SLC35B3: variants seen among roughly 807,000 people sequenced by gnomAD.
SLC35B3 encodes the protein adenosine 3'-phospho 5'-phosphosulfate transporter 2.
In SLC35B3, 35 loss-of-function variants were observed where a neutral mutation model predicts 44.1. That is an observed-to-expected ratio of 0.79 (90% CI 0.61 to 1.05). The LOEUF (loss-of-function observed/expected upper bound fraction) is 1.05. Ranked by LOEUF, SLC35B3 falls within the 50% of genes least tolerant of loss-of-function variation. SLC35B3 has a pLI of 0.00. For synonymous variants in SLC35B3, 146 were observed against 167.3 expected (o/e 0.87, Z 0.98); for missense variants, 414 against 476.4 (o/e 0.87, Z 1.22).
chr6:8,412,134 A>G lies in SLC35B3; in HGVS notation c.*1415T>C, dbSNP rs1273906055. ...AGCTTGTTTGGCCCTTCATCATATAAGGACATAATGAGAAGGCTCCTTCTG... is the reference window on the plus strand; with the variant it reads ...AGCTTGTTTGGCCCTTCATCATATAGGGACATAATGAGAAGGCTCCTTCTG... On this transcript the variant is annotated 3_prime_UTR_variant, in exon 11 of 11. Transcript: ENST00000644923. Among the ~76,000 whole-genome samples, 2 of 152,194 alleles carry G rather than the reference A, an allele frequency of 1.3e-5. No homozygotes were observed. The highest frequency in any genetic ancestry group is 6.5e-5 in the Admixed American group (1 of 15,282).
At chr6:8,435,557 C>T (rs1251642429), upstream of SLC35B3, 2 of 399,536 alleles carry the variant, frequency 5.0e-6, no homozygotes, top group Non-Finnish European at 9.1e-6. The surrounding 1 kb of genome is among the most constrained non-coding windows in gnomAD (Gnocchi z 5.5). Flanking sequence ...TCCCTGCGCG[C>T]GTGCGCAGAC....
Position 8,427,925 on chromosome 6 carries a change from C to G in SLC35B3, c.419+12G>C, listed in dbSNP as rs200815346. 3.5e-5 allele frequency: 55 copies of G among 1,592,846 alleles called. No individual in the cohort carries two copies. The East Asian group carries it at 1.1e-3, about 32-fold the overall frequency. On this transcript the variant is annotated intron_variant, in intron 4 of 10. Coordinates refer to ENST00000644923, the MANE Select transcript of SLC35B3 (RefSeq NM_001370476.2). ...ATATAGAAATATCAAAAAATAAAAA[C>G]AAACCACATACCTCCTCCTTTTGTC...
chr6:8,422,380 T>C (rs557166219), intron 5 of SLC35B3, 90 bp downstream of exon 4: 117 of 976,968 alleles, frequency 1.2e-4, no homozygotes, highest in Non-Finnish European at 1.7e-4. Context: ...TCATTGAAAA[T>C]GTAATAGAAG....
chr6:8,417,051 CAAATA>C, intron 8 of SLC35B3, 56 bp from the exon 8 acceptor site: 1 of 936,750 alleles, frequency 1.1e-6, no homozygotes, highest in Non-Finnish European at 1.6e-6. Flanking sequence ...CGAGGTATTA[CAAATA>C]AAATAAAACT....
In SLC35B3 at chr6:8,419,704, C is replaced by CA. The variant is rs747428042; in HGVS notation, c.683-28dup. ...TTCAAGAAGGTATTAAAAAAACAAA[C>CA]AAAAAAACCCTCCTTATTTAAACAT... On this transcript the variant is annotated intron_variant, in intron 6 of 10. Transcript: ENST00000644923. The surrounding 1 kb of genome is among the most constrained non-coding windows in gnomAD (Gnocchi z 4.3). 12 of 1,271,922 alleles carry CA rather than the reference C, an allele frequency of 9.4e-6. No homozygotes were observed. The highest frequency in any genetic ancestry group is 4.8e-5 in the Admixed American group (2 of 41,262). The allele number at this position is 1,271,922 out of a possible 1,614,324, so 78.8% of individuals were successfully genotyped here. A position where few individuals can be genotyped will look rare whatever the true frequency, so the allele number is the denominator to read the frequency against.
chr6:8,424,224 C>T (rs926553442), intron 4 of SLC35B3, among the ~76,000 whole-genome samples: 1 of 152,162 alleles, frequency 6.6e-6, no homozygotes, highest in Non-Finnish European at 1.5e-5. Flanking sequence ...TTATTTAATA[C>T]ATCAATTGCT....
intron 9 of SLC35B3, 45 bp from the exon 9 acceptor site, chr6:8,415,022 C>T (rs1186322146): frequency 1.5e-6 from 2 of 1,295,542 alleles, no homozygotes; most frequent in South Asian, 1.3e-5. Context: ...ATTATCTTGA[C>T]AATATTTTAG....
At chr6:8,417,991 G>A (rs925406037) in intron 7 of SLC35B3, among the ~76,000 whole-genome samples, 4 of 152,108 alleles carry the variant, frequency 2.6e-5, no homozygotes, top group African/African-American at 9.7e-5. Context: ...AGCAGCAGCA[G>A]CAGCAGCAAA....
rs758789823 is a variant in SLC35B3, at chr6:8,413,526, A to G, written c.*23T>C. 2 of 1,578,230 alleles carry G rather than the reference A, an allele frequency of 1.3e-6. No individual in the cohort carries two copies. The highest frequency in any genetic ancestry group is 1.9e-5 in the Admixed American group (1 of 52,224). On this transcript the variant is annotated 3_prime_UTR_variant, in exon 11 of 11. Transcript: ENST00000644923. Reference sequence around the variant, plus strand: ...TTGATGATTGTTCCCTTAAAATTCTATTTTAAATAGGACAATCACTGTCTA... The same window carrying G: ...TTGATGATTGTTCCCTTAAAATTCTGTTTTAAATAGGACAATCACTGTCTA...
Position 8,420,056 on chromosome 6 carries a change from AC to A in SLC35B3, c.683-380del, listed in dbSNP as rs769364841. 2.3e-4 allele frequency among the ~76,000 whole-genome samples: 35 copies of A among 151,762 alleles called. No homozygotes were observed. The highest frequency in any genetic ancestry group is 7.5e-4 in the African/African-American group (31 of 41,454). On this transcript the variant is annotated intron_variant, in intron 6 of 10. Transcript: ENST00000644923. The surrounding 1 kb of genome is among the most constrained non-coding windows in gnomAD (Gnocchi z 4.4). ...ATTCAGTTAATTAAAAAAAAAAAAA[AC>A]AGATGAAGAGAAAAGTCATTTTTGA...
In SLC35B3 at chr6:8,430,041, G is replaced by A; in HGVS notation, c.120C>T (p.Ser40=). The A allele has an allele frequency of 6.2e-7, 1 of 1,613,962 alleles. No individual in the cohort carries two copies. Among genetic ancestry groups the A allele is most frequent in the Admixed American group, 1.7e-5 (1 of 59,984 alleles). ...GCACAGTGATAGAAATATATTTCCT[G>A]GAATTGTTGAACTTGAGATCCATTG... The change falls in exon 3 of 11, where the codon TCC becomes TCT. Residue 40 remains serine, a synonymous_variant. Coordinates refer to ENST00000644923, the MANE Select transcript of SLC35B3 (RefSeq NM_001370476.2).
Position 8,417,512 on chromosome 6 carries a change from A to G in SLC35B3, c.781-18T>C. 7.0e-7 allele frequency: 1 copy of G among 1,425,066 alleles called. No individual in the cohort carries two copies. The highest frequency in any genetic ancestry group is 9.6e-7 in the Non-Finnish European group (1 of 1,042,192). 88.3% of individuals were successfully genotyped at this position (1,425,066 alleles called of 1,614,324 possible). ...TACAATACCTAGAGCAGATAAAAAT[A>G]AAGCAGAAAAAAGTACTATGAAACT... On this transcript the variant is annotated intron_variant, in intron 7 of 10. Coordinates refer to ENST00000644923, the MANE Select transcript of SLC35B3 (RefSeq NM_001370476.2).
chr6:8,422,325 AT>A (rs1762968064), intron 5 of SLC35B3, 144 bp downstream of exon 4: 1 of 707,282 alleles, frequency 1.4e-6, no homozygotes, highest in African/African-American at 1.8e-5. Flanking sequence ...AGAATACCTT[AT>A]TTTGGTAAGA....
Position 8,434,415 on chromosome 6 carries a change from C to A in SLC35B3, c.-28G>T, listed in dbSNP as rs768629417. 2 of 1,612,080 alleles carry A rather than the reference C, an allele frequency of 1.2e-6. No individual in the cohort carries two copies. The highest frequency in any genetic ancestry group is 1.7e-6 in the Non-Finnish European group (2 of 1,178,942). ...CATTATGCCTTGATTAACTGCGCTCCGGAATCAATCATGGCCTATGGTGTA... is the reference window on the plus strand; with the variant it reads ...CATTATGCCTTGATTAACTGCGCTCAGGAATCAATCATGGCCTATGGTGTA... On this transcript the variant is annotated 5_prime_UTR_variant, in exon 2 of 11. Coordinates refer to ENST00000644923, the MANE Select transcript of SLC35B3 (RefSeq NM_001370476.2). The surrounding 1 kb of genome is among the most constrained non-coding windows in gnomAD (Gnocchi z 6.3).
rs1338961912 is a variant in SLC35B3 at position 8,420,834 on chromosome 6, T to G, written c.575-6A>C. 1.9e-6 allele frequency: 3 copies of G among 1,602,348 alleles called. No homozygotes were observed. The highest frequency in any genetic ancestry group is 1.7e-6 in the Non-Finnish European group (2 of 1,172,140). On this transcript the variant is annotated splice_region_variant and splice_polypyrimidine_tract_variant and intron_variant, in intron 5 of 10. Coordinates refer to ENST00000644923, the MANE Select transcript of SLC35B3 (RefSeq NM_001370476.2). The surrounding 1 kb of genome is among the most constrained non-coding windows in gnomAD (Gnocchi z 4.4). Reference sequence around the variant, plus strand: ...TGCAACATTATAACGCTTTCCTGTATAAAACAAACGTAAGTCCACTTCATT... The same window carrying G: ...TGCAACATTATAACGCTTTCCTGTAGAAAACAAACGTAAGTCCACTTCATT...
intron 9 of SLC35B3, among the ~76,000 whole-genome samples, chr6:8,416,124 A>G (rs1762392826): frequency 6.6e-6 from 1 of 152,202 alleles, no homozygotes; most frequent in Admixed American, 6.6e-5. Context: ...AAAATGGAAT[A>G]ATCATAGTGC....
At chr6:8,418,522 C>A (rs2113310528) in intron 7 of SLC35B3, among the ~76,000 whole-genome samples, 2 of 145,838 alleles carry the variant, frequency 1.4e-5, no homozygotes, top group Non-Finnish European at 3.0e-5. Flanking sequence ...ATATAAAAAC[C>A]AGTTACAAGA....
At chr6:8,414,849 G>A in intron 10 of SLC35B3, 59 bp downstream of exon 9, 1 of 899,214 alleles carries the variant, frequency 1.1e-6, no homozygotes, top group South Asian at 2.0e-5. Flanking sequence ...AGATTAAGAG[G>A]AAATGTGAAA....
chr6:8,430,020 A>G lies in SLC35B3; in HGVS notation c.141T>C (p.Thr47=), dbSNP rs1453947345. Reference sequence around the variant, plus strand: ...ACATTGTTTGGGTTTTGGATGGCACAGTGATAGAAATATATTTCCTGGAAT... The same window carrying G: ...ACATTGTTTGGGTTTTGGATGGCACGGTGATAGAAATATATTTCCTGGAAT... Residue 47 remains threonine, a synonymous_variant, in exon 3 of 11, where the codon ACT becomes ACC. Coordinates refer to ENST00000644923, the MANE Select transcript of SLC35B3 (RefSeq NM_001370476.2). 2 of 1,614,056 alleles carry G rather than the reference A, an allele frequency of 1.2e-6. No homozygotes were observed. The highest frequency in any genetic ancestry group is 1.7e-5 in the Admixed American group (1 of 60,006).
Sources: gnomAD v4.1 joint callset for allele counts (sites outside exome capture counted in the v4.1 genomes callset) on GRCh38, gnomAD v4.1.1 for gene constraint, Gnocchi (gnomAD v3.1) non-coding constraint, MANE v1.5 for transcripts, NCBI Gene and HGNC (gene_info 2026-07-23, HGNC 2026-07-21) for gene names.